SLC5A9: variants seen among roughly 807,000 people sequenced by gnomAD.
SLC5A9 encodes the protein solute carrier family 5 member 9.
Under a neutral mutation model 70.9 loss-of-function variants are expected in SLC5A9, and 59 were observed. The ratio of observed to expected loss-of-function variants is 0.83; its 90% CI spans 0.68 to 1.03. The LOEUF is 1.03. SLC5A9 is among the 50% of genes least tolerant of loss of function. The pLI, the probability that SLC5A9 is intolerant of heterozygous loss-of-function variation, is 0.00. For synonymous variants in SLC5A9, 340 were observed against 346.5 expected (o/e 0.98, Z 0.21); for missense variants, 832 against 881.1 (o/e 0.94, Z 0.71).
chr1:48,238,415 A>T (rs1379501224), intron 11 of SLC5A9: 1 of 152,382 alleles, frequency 6.6e-6, no homozygotes, highest in Non-Finnish European at 1.5e-5. Context: ...CTGCACTTGC[A>T]TTATTCATGC....
intron 9 of SLC5A9, among the ~76,000 whole-genome samples, chr1:48,234,556 T>C (rs1644301187): frequency 6.6e-6 from 1 of 152,056 alleles, no homozygotes; most frequent in Non-Finnish European, 1.5e-5. Flanking sequence ...AAGATGTTTG[T>C]GAGGTTGAAT....
Position 48,239,546 on chromosome 1 carries a change from T to G in SLC5A9, c.1677+9T>G, listed in dbSNP as rs2148584412. 6.2e-7 allele frequency: 1 copy of G among 1,613,490 alleles called. No homozygotes were observed. Among genetic ancestry groups the G allele is most frequent in the Non-Finnish European group, 8.5e-7 (1 of 1,179,368 alleles). On this transcript the variant is annotated intron_variant, in intron 12 of 13. Coordinates refer to ENST00000438567, the MANE Select transcript of SLC5A9 (RefSeq NM_001011547.3). The surrounding 1 kb of genome is among the most constrained non-coding windows in gnomAD (Gnocchi z 4.2). Reference sequence around the variant, plus strand: ...CCATCCCTGAGGAACAGGCAAGTGTTGTGCTCATACTGAGGCCCTCCAGAA... The same window carrying G: ...CCATCCCTGAGGAACAGGCAAGTGTGGTGCTCATACTGAGGCCCTCCAGAA...
chr1:48,246,743 A>C (rs776165320), intron 13 of SLC5A9, among the ~76,000 whole-genome samples: 1 of 152,116 alleles, frequency 6.6e-6, no homozygotes, highest in Non-Finnish European at 1.5e-5. Flanking sequence ...TTCCATCCTC[A>C]TTTGGTAGTC....
At chr1:48,234,080 C>T (rs1475579111) in intron 9 of SLC5A9, among the ~76,000 whole-genome samples, 1 of 152,178 alleles carries the variant, frequency 6.6e-6, no homozygotes, top group Non-Finnish European at 1.5e-5. Flanking sequence ...TAAGGGAGCC[C>T]TAAGAAGGCA....
chr1:48,226,029 G>A (rs1042978143), intron 2 of SLC5A9, among the ~76,000 whole-genome samples: 1 of 152,144 alleles, frequency 6.6e-6, no homozygotes, highest in African/African-American at 2.4e-5. Context: ...GGAAGGTTTA[G>A]GTATCTGGGA....
chr1:48,238,071 G>A (rs1408686355), intron 11 of SLC5A9, among the ~76,000 whole-genome samples: 7 of 152,180 alleles, frequency 4.6e-5, no homozygotes, highest in African/African-American at 1.4e-4. Context: ...ACATAGATGG[G>A]CCATCACTTG....
At chr1:48,228,030 C>T (rs1644190257) in intron 2 of SLC5A9, 1 of 152,272 alleles carries the variant, frequency 6.6e-6, no homozygotes, top group South Asian at 2.1e-4. Context: ...TTCTCCCCTC[C>T]CAGTCAGAGA....
chr1:48,224,278 GT>G (rs2148559770), intron 1 of SLC5A9, among the ~76,000 whole-genome samples: 2 of 152,316 alleles, frequency 1.3e-5, no homozygotes, highest in African/African-American at 4.8e-5. Context: ...AAGTCTCACA[GT>G]CAAACTGCAG....
intron 1 of SLC5A9, 59 bp from the exon 2 acceptor site, chr1:48,224,665 G>T (rs1178402794): frequency 1.3e-6 from 2 of 1,555,674 alleles, no homozygotes; most frequent in East Asian, 4.5e-5. Context: ...GCGGGGAGGG[G>T]GCAGGGCAGA....
At position 48,228,934 on chromosome 1, in the gene SLC5A9, G is replaced by A. The variant is rs200805074; in HGVS notation, c.319G>A (p.Val107Ile). Residue 107 changes from valine to isoleucine, a missense_variant, in exon 3 of 14, where the codon GTA (valine) becomes ATA (isoleucine). Physicochemically the swap from Val to Ile is conservative, Grantham distance 29. Transcript: ENST00000438567. ...AGTGAAGGLA[V>I]GGFEWNATWL... ...GACAGGGGCTGCCGGAGGCCTTGCCGTAGGTGGCTTCGAGTGGAACGTAAG... is the reference window on the plus strand; with the variant it reads ...GACAGGGGCTGCCGGAGGCCTTGCCATAGGTGGCTTCGAGTGGAACGTAAG... 1.2e-4 allele frequency: 200 copies of A among 1,613,068 alleles called. No individual in the cohort carries two copies. The highest frequency in any genetic ancestry group is 2.2e-4 in the South Asian group (20 of 91,080).
At chr1:48,244,910 A>ATATATATATATATATATATATATAT (rs56780309) in intron 13 of SLC5A9, among the ~76,000 whole-genome samples, 6 of 110,630 alleles carry the variant, frequency 5.4e-5, no homozygotes, top group East Asian at 2.7e-4. Flanking sequence ...ATATATATAT[A>ATATATATATATATATATATATATAT]AAACCTCTGT....
chr1:48,224,771 C>T lies in SLC5A9; in HGVS notation c.210C>T (p.Ala70=), dbSNP rs371767173. 9.9e-6 allele frequency: 16 copies of T among 1,613,960 alleles called. No individual in the cohort carries two copies. The highest frequency in any genetic ancestry group is 3.3e-5 in the Admixed American group (2 of 60,000). ...SRGTIGGYFL[A]GRSMSWWPIG... ...GGACCATTGGCGGCTATTTCCTGGC[C>T]GGGAGGTCCATGAGCTGGTGGCCAG... Residue 70 remains alanine (A), a synonymous_variant, in exon 2 of 14, where the codon GCC becomes GCT. Coordinates refer to ENST00000438567, the MANE Select transcript of SLC5A9 (RefSeq NM_001011547.3).
At chr1:48,231,875 C>G (rs973959793) in intron 6 of SLC5A9, 71 bp from the exon 7 acceptor site, 6 of 1,597,484 alleles carry the variant, frequency 3.8e-6, no homozygotes, top group Admixed American at 1.7e-5. Flanking sequence ...CCACATGAGG[C>G]TGGGGCTGGG....
chr1:48,231,814 C>T, intron 6 of SLC5A9, 132 bp from the exon 7 acceptor site: 1 of 1,525,496 alleles, frequency 6.6e-7, no homozygotes, highest in East Asian at 2.4e-5. Flanking sequence ...GAGCCCAAGC[C>T]CCATCTTCCT....
chr1:48,229,226 T>G, intron 3 of SLC5A9, 69 bp from the exon 4 acceptor site: 1 of 1,614,118 alleles, frequency 6.2e-7, no homozygotes, highest in African/African-American at 1.3e-5. Context: ...GCACTGCCTC[T>G]GGGTGGGAAG....
intron 5 of SLC5A9, among the ~76,000 whole-genome samples, chr1:48,231,247 T>G (rs915903432): frequency 6.6e-6 from 1 of 152,160 alleles, no homozygotes; most frequent in Non-Finnish European, 1.5e-5. Flanking sequence ...GAACTGCAAG[T>G]CAAGGAATGG....
intron 9 of SLC5A9, among the ~76,000 whole-genome samples, chr1:48,234,784 C>T (rs1197750457): frequency 6.6e-6 from 1 of 151,984 alleles, no homozygotes; most frequent in African/African-American, 2.4e-5. Context: ...CCAGCTAGGA[C>T]AGAGCTGCCC....
In SLC5A9 at chr1:48,239,728, T is replaced by G. The variant is rs1374195241; in HGVS notation, c.1677+191T>G. Among the ~76,000 whole-genome samples, 31 of 152,240 alleles carry G rather than the reference T, an allele frequency of 2.0e-4. No individual in the cohort carries two copies. The highest frequency in any genetic ancestry group is 2.0e-3 in the Admixed American group (30 of 15,292). ...GTAATTCATTCAACTCGAAAATTAC[T>G]CAGTGAGTACTTACTATGTGCTAGG... is the stretch of plus-strand genomic sequence containing the variant. On this transcript the variant is annotated intron_variant, in intron 12 of 13. Transcript: ENST00000438567. This position sits in a 1 kb window ranked among gnomAD's most constrained non-coding sequence, Gnocchi z 4.2.
intron 12 of SLC5A9, among the ~76,000 whole-genome samples, chr1:48,241,705 T>TCC (rs1354498155): frequency 1.3e-4 from 13 of 103,854 alleles, no homozygotes; most frequent in Non-Finnish European, 2.6e-4. Context: ...GTACATGTTC[T>TCC]CTCTCTCTCT....
Sources: allele counts gnomAD v4.1 joint callset (sites outside exome capture counted in the v4.1 genomes callset), GRCh38; gene constraint gnomAD v4.1.1; non-coding constraint Gnocchi (gnomAD v3.1); transcripts MANE v1.5; gene names NCBI Gene and HGNC (gene_info 2026-07-23, HGNC 2026-07-21).